RAPGEF4: variants seen among roughly 807,000 people sequenced by gnomAD.
RAPGEF4 encodes Rap guanine nucleotide exchange factor 4.
A neutral mutation model predicts 147.9 loss-of-function variants in RAPGEF4; 66 were observed. That is an observed-to-expected ratio of 0.45 (90% CI 0.37 to 0.55). RAPGEF4 has a LOEUF of 0.55. Among genes scored for constraint, RAPGEF4 ranks in the 20% least tolerant of loss-of-function variants. The pLI is 0.00. For missense variants in RAPGEF4, 1,071 were observed against 1,257.3 expected (o/e 0.85, Z 2.24); for synonymous variants, 419 against 442.7 (o/e 0.95, Z 0.67).
At position 172,945,378 on chromosome 2, in the gene RAPGEF4, C is replaced by G. The variant is rs534734372; in HGVS notation, c.538-15382C>G. Reference sequence around the variant, plus strand: ...TGCTATTCCAGGAATTTTGCCAAACCTAGATCAAATATACTACTGCCCTCA... The same window carrying G: ...TGCTATTCCAGGAATTTTGCCAAACGTAGATCAAATATACTACTGCCCTCA... On this transcript the variant is annotated intron_variant, in intron 6 of 30. Coordinates refer to ENST00000397081, the MANE Select transcript of RAPGEF4 (RefSeq NM_007023.4). 3.9e-3 allele frequency among the ~76,000 whole-genome samples: 598 copies of G among 152,094 alleles called. 2 individuals carry two copies. Among genetic ancestry groups the G allele is most frequent in the Non-Finnish European group, 6.1e-3 (416 of 67,984 alleles).
intron 4 of RAPGEF4, among the ~76,000 whole-genome samples, chr2:172,837,630 A>C (rs914557559): frequency 2.6e-5 from 4 of 152,174 alleles, no homozygotes; most frequent in Admixed American, 1.3e-4. Context: ...GCTGGAGTGC[A>C]GTGGGGTAAT....
chr2:172,745,852 C>T (rs1694721277), intron 1 of RAPGEF4, among the ~76,000 whole-genome samples: 1 of 152,160 alleles, frequency 6.6e-6, no homozygotes. Context: ...GAACAATATC[C>T]TCAACAACAT....
At chr2:172,762,110 G>A (rs551373274) in intron 1 of RAPGEF4, among the ~76,000 whole-genome samples, 7 of 152,216 alleles carry the variant, frequency 4.6e-5, no homozygotes, top group Non-Finnish European at 7.4e-5. Flanking sequence ...GTGAGACTCC[G>A]TCTCAAACAA....
chr2:173,031,204 G>A (rs889012688), intron 26 of RAPGEF4, among the ~76,000 whole-genome samples: 14 of 152,038 alleles, frequency 9.2e-5, no homozygotes, highest in Non-Finnish European at 1.9e-4. Context: ...TGTAGGGCAG[G>A]TCCTCACAAG....
chr2:172,954,430 G>T (rs921021843), intron 6 of RAPGEF4, among the ~76,000 whole-genome samples: 3 of 152,108 alleles, frequency 2.0e-5, no homozygotes, highest in Non-Finnish European at 4.4e-5. Flanking sequence ...CAAGAGAAAA[G>T]CTGAAACTGG....
At chr2:172,833,352 C>T (rs543215933) in intron 4 of RAPGEF4, among the ~76,000 whole-genome samples, 9 of 146,808 alleles carry the variant, frequency 6.1e-5, no homozygotes, top group South Asian at 2.1e-4. Flanking sequence ...AGGGGAAGAA[C>T]GCATTTTATG....
At chr2:172,870,457 A>G (rs1695115865) in intron 4 of RAPGEF4, among the ~76,000 whole-genome samples, 1 of 152,116 alleles carries the variant, frequency 6.6e-6, no homozygotes, top group South Asian at 2.1e-4. Context: ...TGCCAGTTCA[A>G]TCTTTAAGCT....
intron 6 of RAPGEF4, among the ~76,000 whole-genome samples, chr2:172,949,194 C>A (rs1687974952): frequency 6.6e-6 from 1 of 152,078 alleles, no homozygotes; most frequent in Non-Finnish European, 1.5e-5. Context: ...GCTAAAAACT[C>A]CTCAGAGATT....
At chr2:172,986,457 T>G (rs1307852551) in intron 12 of RAPGEF4, among the ~76,000 whole-genome samples, 4 of 152,228 alleles carry the variant, frequency 2.6e-5, no homozygotes, top group Non-Finnish European at 4.4e-5. Flanking sequence ...TTTCTGACAT[T>G]GATATCTATT....
intron 4 of RAPGEF4, among the ~76,000 whole-genome samples, chr2:172,917,049 A>G (rs1270813056): frequency 6.6e-6 from 1 of 152,178 alleles, no homozygotes. Context: ...TCCATTCTTT[A>G]TAAATGTCAC....
At chr2:172,900,935 G>A (rs1699000493) in intron 4 of RAPGEF4, among the ~76,000 whole-genome samples, 1 of 151,948 alleles carries the variant, frequency 6.6e-6, no homozygotes, top group Non-Finnish European at 1.5e-5. Flanking sequence ...TCTTCCCACA[G>A]TGTTGAAAGA....
At chr2:172,881,097 C>T (rs1434692847) in intron 4 of RAPGEF4, among the ~76,000 whole-genome samples, 2 of 152,214 alleles carry the variant, frequency 1.3e-5, no homozygotes, top group African/African-American at 4.8e-5. Flanking sequence ...GTGCACAACA[C>T]AGAAATACTG....
At chr2:172,786,975 C>T (rs1291439298) in intron 1 of RAPGEF4, among the ~76,000 whole-genome samples, 2 of 152,144 alleles carry the variant, frequency 1.3e-5, no homozygotes, top group Non-Finnish European at 2.9e-5. Flanking sequence ...TTTGGGAGGC[C>T]AAGGCGGGTG....
chr2:172,888,044 T>C (rs777428580), intron 4 of RAPGEF4, among the ~76,000 whole-genome samples: 18 of 152,312 alleles, frequency 1.2e-4, no homozygotes, highest in Non-Finnish European at 2.2e-4. Flanking sequence ...TCCATATCTT[T>C]ATTTAATTCT....
chr2:172,892,515 A>G (rs1362180304), intron 4 of RAPGEF4, among the ~76,000 whole-genome samples: 1 of 152,214 alleles, frequency 6.6e-6, no homozygotes, highest in Admixed American at 6.5e-5. Context: ...TGCACAGCCT[A>G]AACTCCAGAT....
At chr2:172,803,977 G>T (rs966567522) in intron 3 of RAPGEF4, among the ~76,000 whole-genome samples, 2 of 152,136 alleles carry the variant, frequency 1.3e-5, no homozygotes, top group Admixed American at 6.5e-5. Flanking sequence ...GAACAGTGCA[G>T]AAAAGACCTG....
intron 3 of RAPGEF4, among the ~76,000 whole-genome samples, chr2:172,808,193 A>G (rs988449478): frequency 6.6e-6 from 1 of 152,236 alleles, no homozygotes; most frequent in African/African-American, 2.4e-5. Context: ...CATACTGTTT[A>G]CTATATTTAC....
chr2:172,750,931 T>C (rs115636128), intron 1 of RAPGEF4, among the ~76,000 whole-genome samples: 115 of 152,352 alleles, frequency 7.5e-4, no homozygotes, highest in Non-Finnish European at 1.2e-3. Context: ...TCTCCCATTT[T>C]ATAGGTTGAA....
At chr2:172,961,314 T>C in intron 8 of RAPGEF4, 86 bp downstream of exon 8, 1 of 1,117,446 alleles carries the variant, frequency 8.9e-7, no homozygotes. Context: ...CTGTTTTCCA[T>C]GTGGGCGCAG....
Sources: allele counts gnomAD v4.1 joint callset (sites outside exome capture counted in the v4.1 genomes callset), GRCh38; gene constraint gnomAD v4.1.1; transcripts MANE v1.5; gene names NCBI Gene and HGNC (gene_info 2026-07-23, HGNC 2026-07-21).